RIMS2: variants seen among roughly 807,000 people sequenced by gnomAD.
RIMS2 encodes the protein regulating synaptic membrane exocytosis protein 2.
In RIMS2, 59 loss-of-function variants were observed where a neutral mutation model predicts 174.4. The ratio of observed to expected loss-of-function variants is 0.34; its 90% CI spans 0.27 to 0.42. The LOEUF (loss-of-function observed/expected upper bound fraction) is 0.42. Among genes scored for constraint, RIMS2 ranks in the 10% least tolerant of loss-of-function variants. RIMS2 has a pLI of 1.00. For missense variants in RIMS2, 1,620 were observed against 1,666.3 expected (o/e 0.97, Z 0.48); for synonymous variants, 606 against 572.5 (o/e 1.06, Z -0.84).
At chr8:103,838,305 CCTT>C (rs1303493948) in intron 3 of RIMS2, among the ~76,000 whole-genome samples, 1 of 152,106 alleles carries the variant, frequency 6.6e-6, no homozygotes, top group Non-Finnish European at 1.5e-5. Flanking sequence ...TGCTTGGAAT[CCTT>C]CTCACTTCCT....
chr8:104,142,120 CTT>C (rs71297257), intron 19 of RIMS2, among the ~76,000 whole-genome samples: 1,599 of 131,984 alleles, frequency 0.012, 16 homozygotes, highest in African/African-American at 0.039. Flanking sequence ...AAATATCTTC[CTT>C]TTTTTTTTTT....
intron 1 of RIMS2, among the ~76,000 whole-genome samples, chr8:103,639,459 T>C (rs1047117384): frequency 6.6e-6 from 1 of 151,852 alleles, no homozygotes; most frequent in Non-Finnish European, 1.5e-5. Flanking sequence ...AATACTTCCC[T>C]CTTTCATTGA....
intron 3 of RIMS2, among the ~76,000 whole-genome samples, chr8:103,841,960 G>GAAAAAAGAAAA (rs566496444): frequency 7.3e-6 from 1 of 137,058 alleles, no homozygotes; most frequent in South Asian, 2.2e-4. Context: ...GTCTCAAAAA[G>GAAAAAAGAAAA]AAAAAAGAAA....
At chr8:103,898,426 C>T (rs1267096209) in intron 4 of RIMS2, among the ~76,000 whole-genome samples, 1 of 151,660 alleles carries the variant, frequency 6.6e-6, no homozygotes, top group South Asian at 2.1e-4. Context: ...AGTTCAGTGT[C>T]TGCATATCAT....
At chr8:103,540,427 C>G (rs1188621226) in intron 1 of RIMS2, among the ~76,000 whole-genome samples, 1 of 152,196 alleles carries the variant, frequency 6.6e-6, no homozygotes, top group Admixed American at 6.5e-5. Context: ...CAGAGCTGCA[C>G]AGAGACAACA....
intron 19 of RIMS2, 52 bp from the exon 23 acceptor site, chr8:104,068,460 C>G (rs1486962549): frequency 1.2e-6 from 1 of 811,080 alleles, no homozygotes; most frequent in East Asian, 2.7e-5. Context: ...GTAAGTCGGA[C>G]TCAGAAATAA....
intron 19 of RIMS2, among the ~76,000 whole-genome samples, chr8:104,107,753 TC>T (rs2098100773): frequency 6.6e-6 from 1 of 152,132 alleles, no homozygotes; most frequent in Admixed American, 6.5e-5. Context: ...TTCAAGACCA[TC>T]CTGGGCAACA....
chr8:104,149,078 T>C (rs202199057), intron 19 of RIMS2, among the ~76,000 whole-genome samples: 2 of 152,170 alleles, frequency 1.3e-5, no homozygotes, highest in Non-Finnish European at 1.5e-5. Flanking sequence ...ATGTAGATAA[T>C]GTCTTTCCTC....
intron 3 of RIMS2, among the ~76,000 whole-genome samples, chr8:103,787,881 C>T (rs868286515): frequency 2.4e-4 from 37 of 152,198 alleles, no homozygotes; most frequent in African/African-American, 7.9e-4. Flanking sequence ...AACTTGGTTC[C>T]ATTCTCCCCA....
chr8:103,678,455 G>A (rs1329893842), intron 1 of RIMS2, among the ~76,000 whole-genome samples: 1 of 152,106 alleles, frequency 6.6e-6, no homozygotes. Flanking sequence ...ATAATACAGT[G>A]CTTTGATAAT....
intron 22 of RIMS2, among the ~76,000 whole-genome samples, chr8:104,250,291 T>C (rs1460829636): frequency 1.3e-5 from 2 of 152,190 alleles, no homozygotes; most frequent in East Asian, 3.8e-4. Context: ...TCAACTTTTC[T>C]ATTTCTAGCT....
intron 3 of RIMS2, among the ~76,000 whole-genome samples, chr8:103,827,089 C>T (rs1232689853): frequency 6.6e-6 from 1 of 152,110 alleles, no homozygotes; most frequent in African/African-American, 2.4e-5. Context: ...AACATCTTAA[C>T]ATTGAGTCTT....
chr8:103,673,596 G>C (rs2096772847), intron 1 of RIMS2, among the ~76,000 whole-genome samples: 1 of 152,218 alleles, frequency 6.6e-6, no homozygotes, highest in Non-Finnish European at 1.5e-5. Context: ...GCTGTAGCTA[G>C]AGCAGCCAGC....
intron 11 of RIMS2, among the ~76,000 whole-genome samples, chr8:103,929,714 C>T (rs1170965379): frequency 6.6e-6 from 1 of 151,892 alleles, no homozygotes; most frequent in African/African-American, 2.4e-5. Context: ...ATTAAACACT[C>T]CTGCATTTCT....
chr8:104,159,327 C>G (rs1466799679), intron 19 of RIMS2, among the ~76,000 whole-genome samples: 2 of 152,100 alleles, frequency 1.3e-5, no homozygotes, highest in Non-Finnish European at 2.9e-5. Context: ...AGTCAAGTAG[C>G]ATTATGCCTC....
intron 3 of RIMS2, among the ~76,000 whole-genome samples, chr8:103,861,736 T>G (rs555900357): frequency 4.6e-5 from 7 of 152,240 alleles, no homozygotes; most frequent in African/African-American, 1.7e-4. Context: ...ATTGGTGGTG[T>G]TGAGTATTTT....
At chr8:103,508,548 C>T (rs1039970982) in intron 1 of RIMS2, among the ~76,000 whole-genome samples, 33 of 151,342 alleles carry the variant, frequency 2.2e-4, no homozygotes, top group Non-Finnish European at 1.3e-4. Context: ...AATGGTGATG[C>T]GTCAATAGAG....
intron 3 of RIMS2, among the ~76,000 whole-genome samples, chr8:103,822,106 AATTAGATATTTT>A (rs528694134): frequency 2.4e-3 from 359 of 151,806 alleles, no homozygotes; most frequent in Non-Finnish European, 3.6e-3. Flanking sequence ...CAATTTGGAC[AATTAGATATTTT>A]ATTCTGAATT....
At chr8:104,109,290 C>T in intron 19 of RIMS2, among the ~76,000 whole-genome samples, 1 of 122,546 alleles carries the variant, frequency 8.2e-6, no homozygotes, top group African/African-American at 3.2e-5. Context: ...GAGTGAGACT[C>T]TGTCTCAAAA....
Sources: allele counts gnomAD v4.1 joint callset (sites outside exome capture counted in the v4.1 genomes callset), GRCh38; gene constraint gnomAD v4.1.1; transcripts MANE v1.5; gene names NCBI Gene and HGNC (gene_info 2026-07-23, HGNC 2026-07-21).